NAA35: variants seen among roughly 807,000 people sequenced by gnomAD.
The protein encoded by NAA35 is MAK10 homolog, amino-acid N-acetyltransferase subunit.
Under a neutral mutation model 101.7 loss-of-function variants are expected in NAA35, and 18 were observed. The observed-to-expected ratio is 0.18, with a 90% confidence interval of 0.12 to 0.26. The LOEUF (loss-of-function observed/expected upper bound fraction) is 0.26, where lower values mean the gene tolerates loss of function less well. Ranked by LOEUF, NAA35 falls within the 10% of genes least tolerant of loss-of-function variation. The probability of loss-of-function intolerance (pLI) is 1.00; values close to 1 mark genes in which losing one functional copy is unlikely to be tolerated. For missense variants in NAA35, 601 were observed against 886.8 expected (o/e 0.68, Z 4.09); for synonymous variants, 267 against 273.1 (o/e 0.98, Z 0.22).
intron 2 of NAA35, among the ~76,000 whole-genome samples, chr9:85,955,327 C>CATATATAT (rs1173706353): frequency 1.9e-4 from 16 of 82,858 alleles, no homozygotes; most frequent in Non-Finnish European, 3.1e-4. Context: ...CATCTATATA[C>CATATATAT]ATATATATAT....
chr9:85,987,009 A>G (rs563365633), intron 11 of NAA35: 2 of 155,634 alleles, frequency 1.3e-5, no homozygotes, highest in South Asian at 3.9e-4. Flanking sequence ...CACCAAAACA[A>G]ATCTCATAAT....
At chr9:85,981,270 A>G (rs1378023236) in intron 11 of NAA35, among the ~76,000 whole-genome samples, 1 of 152,146 alleles carries the variant, frequency 6.6e-6, no homozygotes, top group Non-Finnish European at 1.5e-5. Flanking sequence ...AGAGGGATAA[A>G]ATGTCCACAA....
chr9:85,970,014 A>AAACTTG (rs1166134728), intron 6 of NAA35, among the ~76,000 whole-genome samples: 2 of 152,214 alleles, frequency 1.3e-5, no homozygotes, highest in Non-Finnish European at 2.9e-5. Flanking sequence ...ATTTGGTCTT[A>AAACTTG]AACTTGAATT....
intron 2 of NAA35, among the ~76,000 whole-genome samples, chr9:85,951,446 G>A (rs766617160): frequency 6.6e-5 from 10 of 152,270 alleles, no homozygotes; most frequent in Non-Finnish European, 1.2e-4. Context: ...TACTCCAAAA[G>A]CTTGACAGGT....
At chr9:86,017,828 C>T (rs1832303915) in intron 19 of NAA35, among the ~76,000 whole-genome samples, 1 of 152,100 alleles carries the variant, frequency 6.6e-6, no homozygotes, top group African/African-American at 2.4e-5. Context: ...AGTGACAGGC[C>T]AGTTGATGTA....
At chr9:85,951,151 A>G (rs796889727) in intron 2 of NAA35, among the ~76,000 whole-genome samples, 71 of 152,224 alleles carry the variant, frequency 4.7e-4, no homozygotes, top group African/African-American at 1.7e-3. Flanking sequence ...AAAAAAAAAA[A>G]ATGATAACCC....
At chr9:86,013,642 C>A in intron 16 of NAA35, 77 bp from the exon 17 acceptor site, 2 of 1,328,338 alleles carry the variant, frequency 1.5e-6, no homozygotes, top group Non-Finnish European at 2.1e-6. Flanking sequence ...TTCTTTTTAG[C>A]TGTACGTTTT....
intron 2 of NAA35, 133 bp downstream of exon 2, chr9:85,942,416 C>T (rs1828564654): frequency 1.0e-5 from 12 of 1,185,906 alleles, no homozygotes; most frequent in African/African-American, 1.5e-5. Context: ...CACACTTATT[C>T]TGTATCCTCT....
Position 86,023,083 on chromosome 9 carries a change from C to T in NAA35, c.*1123C>T, listed in dbSNP as rs755209826. ...GTATAGTGAAACTTTTCTGGCAGTA[C>T]TTTAAAGCAGCTAACCTGACTGAAC... is the stretch of plus-strand genomic sequence containing the variant. On this transcript the variant is annotated 3_prime_UTR_variant, in exon 23 of 23. Transcript: ENST00000361671. Among the ~76,000 whole-genome samples the T allele has an allele frequency of 2.0e-5, 3 of 152,146 alleles. No homozygotes were observed. The highest frequency in any genetic ancestry group is 4.1e-4 in the South Asian group (2 of 4,826).
intron 5 of NAA35, among the ~76,000 whole-genome samples, chr9:85,961,709 A>G (rs148954726): frequency 6.6e-6 from 1 of 152,276 alleles, no homozygotes; most frequent in East Asian, 1.9e-4. Flanking sequence ...TGAATTTTCC[A>G]GTTTATGGAT....
rs150122443 is a variant in NAA35 at position 86,012,182 on chromosome 9, C to T, written c.1291-864C>T. 5.6e-3 allele frequency among the ~76,000 whole-genome samples: 831 copies of T among 149,240 alleles called. 2 individuals are homozygous for T. Among genetic ancestry groups the T allele is most frequent in the African/African-American group, 0.018 (721 of 40,360 alleles). On this transcript the variant is annotated intron_variant, in intron 15 of 22. Transcript: ENST00000361671. ...TTGCCCAGGCTGGAGTGCAGTGGTG[C>T]GATCTCAGCTTACTGCAACCTCCGC... is the stretch of plus-strand genomic sequence containing the variant.
In NAA35 at chr9:85,942,208, A is replaced by T; in HGVS notation, c.49A>T (p.Ser17Cys). 1 of 1,614,210 alleles carries T rather than the reference A, an allele frequency of 6.2e-7. No homozygotes were observed. The highest frequency in any genetic ancestry group is 1.1e-5 in the South Asian group (1 of 91,088). The stretch of plus-strand genomic sequence containing the variant: ...TGATGACGATTCAGGATGGGAGCTC[A>T]GTATGCCAGAAAAAATGGAGAAAAG... ...VDDDDSGWELSMPEKMEKSNT... is the reference protein window; with the variant it reads ...VDDDDSGWELCMPEKMEKSNT... Residue 17 changes from serine (S) to cysteine (C), a missense_variant, in exon 2 of 23, where the codon AGT (serine) becomes TGT (cysteine). This residue lies in a region of NAA35 where 67 missense variants were observed against 62.4 expected (regional missense o/e 1.07). Coordinates refer to ENST00000361671, the MANE Select transcript of NAA35 (RefSeq NM_024635.4).
At chr9:86,012,883 C>A (rs543097028) in intron 15 of NAA35, among the ~76,000 whole-genome samples, 163 bp from the exon 16 acceptor site, 1 of 152,254 alleles carries the variant, frequency 6.6e-6, no homozygotes, top group East Asian at 1.9e-4. Context: ...GTGTTGAGTT[C>A]CTTAAAACAA....
chr9:85,980,221 G>C (rs1171175529), intron 11 of NAA35, among the ~76,000 whole-genome samples: 2 of 152,178 alleles, frequency 1.3e-5, no homozygotes, highest in African/African-American at 2.4e-5. Context: ...CACATGTTCA[G>C]ATATCTGGAA....
chr9:85,998,865 C>G (rs768984401), intron 12 of NAA35, among the ~76,000 whole-genome samples: 1 of 152,192 alleles, frequency 6.6e-6, no homozygotes, highest in Non-Finnish European at 1.5e-5. Context: ...TCTGTGAAAT[C>G]TTCCCCTTTG....
intron 13 of NAA35, among the ~76,000 whole-genome samples, chr9:86,004,159 C>T (rs962248599): frequency 6.6e-6 from 1 of 152,150 alleles, no homozygotes; most frequent in African/African-American, 2.4e-5. Flanking sequence ...GGCTGGAGTG[C>T]AGTGGCATGC....
chr9:85,966,064 C>T (rs76793819), intron 6 of NAA35, among the ~76,000 whole-genome samples: 178 of 152,220 alleles, frequency 1.2e-3, no homozygotes, highest in Middle Eastern at 6.8e-3. Context: ...TCAAGCCTCC[C>T]GAGTAGCTAA....
At chr9:85,964,627 T>C (rs1829666835) in intron 6 of NAA35, among the ~76,000 whole-genome samples, 1 of 152,252 alleles carries the variant, frequency 6.6e-6, no homozygotes, top group African/African-American at 2.4e-5. Context: ...GACATTGATA[T>C]TTTTGTGAAC....
At chr9:85,957,996 C>T (rs1829348284) in intron 3 of NAA35, among the ~76,000 whole-genome samples, 2 of 151,020 alleles carry the variant, frequency 1.3e-5, no homozygotes, top group Admixed American at 1.3e-4. Context: ...GGCTGGAGTG[C>T]AACAGTGCAA....
Sources: allele counts gnomAD v4.1 joint callset (sites outside exome capture counted in the v4.1 genomes callset), GRCh38; gene constraint gnomAD v4.1.1; regional missense constraint gnomAD v4.1.1; transcripts MANE v1.5; gene names NCBI Gene and HGNC (gene_info 2026-07-23, HGNC 2026-07-21).